Variants in WWP2 observed in about 807,000 individuals in gnomAD.
WWP2 encodes NEDD4-like E3 ubiquitin-protein ligase WWP2.
In WWP2, 57 loss-of-function variants were observed where a neutral mutation model predicts 121.0. The observed-to-expected ratio is 0.47, with a 90% CI of 0.38 to 0.59. The LOEUF is 0.59. WWP2 is among the 20% of genes least tolerant of loss of function. WWP2 has a pLI of 0.00. For synonymous variants in WWP2, 449 were observed against 441.3 expected, an observed-to-expected ratio of 1.02 and a Z score of -0.22; for missense variants, 962 against 1,158.9, an observed-to-expected ratio of 0.83 and a Z score of 2.47.
chr16:69,794,592 G>A (rs1404938620), intron 2 of WWP2, among the ~76,000 whole-genome samples: 2 of 152,114 alleles, frequency 1.3e-5, no homozygotes, highest in Non-Finnish European at 2.9e-5. Flanking sequence ...GCCCAGGAAT[G>A]ACCAAGGACA....
At chr16:69,907,582 A>T (rs1485846730) in intron 8 of WWP2, among the ~76,000 whole-genome samples, 1 of 152,234 alleles carries the variant, frequency 6.6e-6, no homozygotes, top group Admixed American at 6.5e-5. Flanking sequence ...TGCATCCTTT[A>T]TATATAGGTT....
At chr16:69,795,511 A>G (rs1420802924) in intron 2 of WWP2, among the ~76,000 whole-genome samples, 1 of 152,152 alleles carries the variant, frequency 6.6e-6, no homozygotes, top group Non-Finnish European at 1.5e-5. Flanking sequence ...GTCATCATGG[A>G]AGTTCTCTTG....
At position 69,840,152 on chromosome 16, in the gene WWP2, C is replaced by A. The variant is rs770773964; in HGVS notation, c.367C>A (p.Leu123Met). The A allele has an allele frequency of 6.8e-6, 11 of 1,614,126 alleles. No homozygotes were observed. Among genetic ancestry groups the A allele is most frequent in the Non-Finnish European group, 9.3e-6 (11 of 1,180,058 alleles). Residue 123 changes from leucine to methionine, a missense_variant, in exon 5 of 24, where the codon CTG becomes ATG. Leu to Met is a conservative substitution (Grantham distance 15). Transcript: ENST00000359154. ...KMENMQLTLN[L>M]QTENKGSVVS... is the part of the protein sequence containing the mutation. Reference sequence around the variant, plus strand: ...GGAGAACATGCAGCTGACCCTGAACCTGCAGACGGAGAACAAAGGCAGCGT... The same window carrying A: ...GGAGAACATGCAGCTGACCCTGAACATGCAGACGGAGAACAAAGGCAGCGT...
rs1218929218 is a variant in WWP2, at chr16:69,935,559, C to T, written c.1843-294C>T. Among the ~76,000 whole-genome samples the T allele has an allele frequency of 6.6e-6, 1 of 152,218 alleles. No individual in the cohort carries two copies. The highest frequency in any genetic ancestry group is 1.5e-5 in the Non-Finnish European group (1 of 68,038). ...GACCTTTGCTAGGCCAGGAGCCAGC[C>T]GGCCAGCGTGCGGGGCAGATGCGGG... On this transcript the variant is annotated intron_variant, in intron 17 of 23. Transcript: ENST00000359154. This position sits in a 1 kb window ranked among gnomAD's most constrained non-coding sequence, Gnocchi z 5.2.
chr16:69,881,032 A>T (rs1190915439), intron 7 of WWP2, among the ~76,000 whole-genome samples: 1 of 152,114 alleles, frequency 6.6e-6, no homozygotes, highest in Non-Finnish European at 1.5e-5. Context: ...CTGAATGAAT[A>T]TGTGATTCAT....
At chr16:69,820,949 CG>C (rs2056582348) in intron 4 of WWP2, among the ~76,000 whole-genome samples, 1 of 152,214 alleles carries the variant, frequency 6.6e-6, no homozygotes, top group South Asian at 2.1e-4. Context: ...CGGCTCACCT[CG>C]GAGGCTGACA....
intron 1 of WWP2, among the ~76,000 whole-genome samples, chr16:69,784,719 G>C (rs2055744771): frequency 6.6e-6 from 1 of 152,134 alleles, no homozygotes; most frequent in African/African-American, 2.4e-5. Flanking sequence ...AAGTATAATG[G>C]TGTGTTGGGA....
At chr16:69,917,575 G>T (rs923990739) in intron 9 of WWP2, 134 bp from the exon 10 acceptor site, 14 of 983,956 alleles carry the variant, frequency 1.4e-5, no homozygotes, top group Non-Finnish European at 1.9e-5. Context: ...ACAGATGTCT[G>T]CTATAATCAG....
chr16:69,916,111 A>G (rs533229042), intron 9 of WWP2, among the ~76,000 whole-genome samples: 1 of 152,300 alleles, frequency 6.6e-6, no homozygotes, highest in South Asian at 2.1e-4. Flanking sequence ...GAAAGCTAGG[A>G]AGGTTCCAGA....
chr16:69,858,079 T>G (rs1377913315), intron 6 of WWP2, among the ~76,000 whole-genome samples: 1 of 152,108 alleles, frequency 6.6e-6, no homozygotes, highest in Non-Finnish European at 1.5e-5. Context: ...CCCGGTTGGT[T>G]TTGTTCCTTT....
intron 4 of WWP2, among the ~76,000 whole-genome samples, chr16:69,836,964 C>T (rs562818786): frequency 1.3e-5 from 2 of 151,200 alleles, no homozygotes; most frequent in South Asian, 2.1e-4. Context: ...ATTTTGGTTG[C>T]TTAGGTTGGA....
At chr16:69,804,814 A>G (rs752077925) in intron 4 of WWP2, among the ~76,000 whole-genome samples, 6 of 152,150 alleles carry the variant, frequency 3.9e-5, no homozygotes, top group Non-Finnish European at 8.8e-5. Context: ...ACATAGGAAC[A>G]TGGAATGTTT....
At position 69,935,749 on chromosome 16, in the gene WWP2, G is replaced by A. The variant is rs1291243279; in HGVS notation, c.1843-104G>A. 2.4e-5 allele frequency: 36 copies of A among 1,497,926 alleles called. No homozygotes were observed. The highest frequency in any genetic ancestry group is 1.9e-5 in the Non-Finnish European group (21 of 1,117,836). The allele number at this position is 1,497,926 out of a possible 1,614,324, so 92.8% of individuals were successfully genotyped here. ...TGCTGCTGTAGTTCTGTCAGGGAAG[G>A]AAGGCGGGTAGCGGTAGCAGAGTTT... On this transcript the variant is annotated intron_variant, in intron 17 of 23. Transcript: ENST00000359154. This position sits in a 1 kb window ranked among gnomAD's most constrained non-coding sequence, Gnocchi z 5.2.
chr16:69,879,267 T>C (rs978751941), intron 7 of WWP2, among the ~76,000 whole-genome samples: 7 of 152,230 alleles, frequency 4.6e-5, no homozygotes, highest in Non-Finnish European at 1.0e-4. Context: ...TGTAATTCAG[T>C]GGCATTAATT....
At chr16:69,934,871 G>A (rs1488579026) in intron 17 of WWP2, among the ~76,000 whole-genome samples, 3 of 152,200 alleles carry the variant, frequency 2.0e-5, no homozygotes, top group African/African-American at 7.2e-5. Flanking sequence ...AGAGCCCAGA[G>A]AGGGCGCGCC....
intron 6 of WWP2, among the ~76,000 whole-genome samples, chr16:69,842,643 A>G (rs2057000855): frequency 6.6e-6 from 1 of 152,170 alleles, no homozygotes. Flanking sequence ...GGCTATATTC[A>G]TGTCCCTGCA....
At chr16:69,939,475 G>A (rs2058847480) in intron 23 of WWP2, 62 bp downstream of exon 23, 1 of 1,565,096 alleles carries the variant, frequency 6.4e-7, no homozygotes, top group Non-Finnish European at 8.8e-7. Flanking sequence ...TCCTGGGACA[G>A]CCCAGTGGGT....
At chr16:69,801,523 C>T (rs2056166247) in intron 4 of WWP2, among the ~76,000 whole-genome samples, 1 of 151,978 alleles carries the variant, frequency 6.6e-6, no homozygotes, top group Non-Finnish European at 1.5e-5. Flanking sequence ...ATGCGAGCCA[C>T]TGCGTCTGGC....
intron 8 of WWP2, chr16:69,890,970 T>C (rs1416168876): frequency 6.6e-6 from 1 of 152,194 alleles, no homozygotes; most frequent in Non-Finnish European, 1.5e-5. Flanking sequence ...CACTTGAACA[T>C]GTACGATGGT....
Sources: allele counts gnomAD v4.1 joint callset (sites outside exome capture counted in the v4.1 genomes callset), GRCh38; gene constraint gnomAD v4.1.1; non-coding constraint Gnocchi (gnomAD v3.1); transcripts MANE v1.5; gene names NCBI Gene and HGNC (gene_info 2026-07-23, HGNC 2026-07-21).